VILL: variants seen among roughly 807,000 people sequenced by gnomAD.
The protein encoded by VILL is villin-like protein.
Under a neutral mutation model 106.3 loss-of-function variants are expected in VILL, and 102 were observed. The observed-to-expected ratio is 0.96, with a 90% CI of 0.82 to 1.13. The LOEUF (loss-of-function observed/expected upper bound fraction) is 1.13. Ranked by LOEUF, VILL falls within the 50% of genes most tolerant of loss-of-function variation. VILL has a pLI of 0.00. For missense variants in VILL, 1,076 were observed against 1,116.6 expected (o/e 0.96, Z 0.52); for synonymous variants, 431 against 440.3 (o/e 0.98, Z 0.27).
At chr3:38,006,758 C>G in intron 19 of VILL, 58 bp downstream of exon 19, 1 of 1,554,634 alleles carries the variant, frequency 6.4e-7, no homozygotes, top group Non-Finnish European at 8.7e-7. Context: ...TGGAGGAGCC[C>G]AAGGCAGGAT....
At chr3:37,991,878 A>C (rs898984417) in intron 1 of VILL, among the ~76,000 whole-genome samples, 12 of 152,052 alleles carry the variant, frequency 7.9e-5, no homozygotes, top group African/African-American at 2.7e-4. Flanking sequence ...GGAGGCCCCC[A>C]ATCTTTGAGC....
rs372812814 is a variant in VILL, at chr3:38,004,271, C to T, written c.1822C>T (p.Pro608Ser). The T allele has an allele frequency of 9.6e-5, 155 of 1,612,144 alleles. No individual in the cohort carries two copies. The highest frequency in any genetic ancestry group is 1.2e-4 in the Non-Finnish European group (144 of 1,178,452). The change falls in exon 16 of 20, where the codon CCC becomes TCC. Residue 608 changes from proline to serine, a missense_variant. By Grantham distance (74) the Pro-to-Ser change is moderately conservative. Transcript: ENST00000383759. ...PSNKRLPEEV[P>S]SFQPRLFECS... ...GCTGGCCAGGCTCCCTGAGGAGGTC[C>T]CCAGCTTCCAGCCACGACTGTTTGA...
Position 37,997,181 on chromosome 3 carries a change from G to A in VILL, c.555G>A (p.Lys185=). The change falls in exon 6 of 20, where the codon AAG becomes AAA. Residue 185 remains lysine, a synonymous_variant. Transcript: ENST00000383759. This position sits in a 1 kb window ranked among gnomAD's most constrained non-coding sequence, Gnocchi z 4.7. ...WNGPKTSISE[K]ARGLALTYSL... The stretch of plus-strand genomic sequence containing the variant: ...GGCCCAAGACCAGCATTTCTGAGAA[G>A]GCTCGGGTCAGTGTCTGCCCAAGGA... 1.9e-6 allele frequency: 3 copies of A among 1,614,146 alleles called. No homozygotes were observed. Among genetic ancestry groups the A allele is most frequent in the Non-Finnish European group, 1.7e-6 (2 of 1,180,016 alleles).
rs2125540708 is a variant in VILL at position 38,006,989 on chromosome 3, G to A, written c.2505G>A (p.Lys835=). The A allele has an allele frequency of 6.2e-7, 1 of 1,614,126 alleles. No individual in the cohort carries two copies. Among genetic ancestry groups the A allele is most frequent in the Non-Finnish European group, 8.5e-7 (1 of 1,180,014 alleles). The change falls in exon 20 of 20, where the codon AAG becomes AAA. Residue 835 remains lysine, a synonymous_variant. Transcript: ENST00000383759. ...SDFQDIFGKS[K]EEFYSMATWR... ...TCCAAGATATCTTTGGGAAATCCAA[G>A]GAGGAATTCTACAGCATGGCCACGT... is the stretch of plus-strand genomic sequence containing the variant.
Position 38,006,433 on chromosome 3 carries a change from G to A in VILL, c.2206-16G>A. Reference sequence around the variant, plus strand: ...GATTCCCCATCTTCCCCAGCCTGAGGCTCCTCTCTGGACAGGAAGTCAACA... The same window carrying A: ...GATTCCCCATCTTCCCCAGCCTGAGACTCCTCTCTGGACAGGAAGTCAACA... On this transcript the variant is annotated splice_polypyrimidine_tract_variant and intron_variant, in intron 18 of 19. Transcript: ENST00000383759. 1 of 1,586,010 alleles carries A rather than the reference G, an allele frequency of 6.3e-7. No individual in the cohort carries two copies. The highest frequency in any genetic ancestry group is 1.7e-5 in the Admixed American group (1 of 58,366).
chr3:37,990,169 G>T (rs1416562698), upstream of VILL, among the ~76,000 whole-genome samples: 1 of 152,250 alleles, frequency 6.6e-6, no homozygotes, highest in Non-Finnish European at 1.5e-5. This position sits in a 1 kb window ranked among gnomAD's most constrained non-coding sequence, Gnocchi z 5.1. Flanking sequence ...AGTGGCAGTG[G>T]AGTGGCAGCT....
At chr3:38,004,671 C>T (rs1404382715) in intron 16 of VILL, among the ~76,000 whole-genome samples, 1 of 152,186 alleles carries the variant, frequency 6.6e-6, no homozygotes, top group Non-Finnish European at 1.5e-5. Context: ...CCCTGTGTGC[C>T]TTATGATACT....
At chr3:37,996,350 C>A (rs968632394) in intron 5 of VILL, among the ~76,000 whole-genome samples, 2 of 152,186 alleles carry the variant, frequency 1.3e-5, no homozygotes, top group African/African-American at 4.8e-5. Flanking sequence ...CTGTTATCCC[C>A]GGGTGCTCCT....
Position 38,001,814 on chromosome 3 carries a change from C to A in VILL, c.1433C>A (p.Pro478His), listed in dbSNP as rs1699822725. The change falls in exon 13 of 20, where the codon CCC becomes CAC. Residue 478 changes from proline (P) to histidine (H), a missense_variant. Coordinates refer to ENST00000383759, the MANE Select transcript of VILL (RefSeq NM_015873.4). ...VQEHVTMGSE[P>H]PHFLAIFQGQ... ...GAGCATGTGACCATGGGCAGCGAGC[C>A]CCCCCACTTCCTCGCCATCTTCCAG... 1 of 1,614,112 alleles carries A rather than the reference C, an allele frequency of 6.2e-7. No individual in the cohort carries two copies. The highest frequency in any genetic ancestry group is 1.7e-5 in the Admixed American group (1 of 60,014).
intron 4 of VILL, among the ~76,000 whole-genome samples, 168 bp from the exon 5 acceptor site, chr3:37,995,569 CTA>C (rs1384439362): frequency 6.6e-6 from 1 of 152,266 alleles, no homozygotes; most frequent in African/African-American, 2.4e-5. Context: ...CACTCATGCC[CTA>C]TGTGTGCACC....
Position 38,006,853 on chromosome 3 carries a change from G to A in VILL, c.2458-89G>A, listed in dbSNP as rs1372579604. On this transcript the variant is annotated intron_variant, in intron 19 of 19. Transcript: ENST00000383759. ...GGGCAAACAGATGCGGGAGTCCCAA[G>A]CCCTGGATGACTGACACTACTGAGT... The A allele has an allele frequency of 3.7e-5, 56 of 1,514,610 alleles. No individual in the cohort carries two copies. In the East Asian group the frequency reaches 1.2e-3, roughly 34 times the overall value. The allele number at this position is 1,514,610 out of a possible 1,614,324, so 93.8% of individuals were successfully genotyped here. A position where few individuals can be genotyped will look rare whatever the true frequency, so the allele number is the denominator to read the frequency against.
At chr3:37,993,565 A>G in intron 1 of VILL, 22 bp from the exon 2 acceptor site, 1 of 1,000,438 alleles carries the variant, frequency 1.0e-6, no homozygotes, top group East Asian at 2.6e-5. Flanking sequence ...CCTCCTAATA[A>G]AAGTCATGTT....
chr3:38,004,319 CT>C lies in VILL; in HGVS notation c.1871del (p.Leu624ArgfsTer50). 1 of 1,613,984 alleles carries C rather than the reference CT, an allele frequency of 6.2e-7. No homozygotes were observed. Among genetic ancestry groups the C allele is most frequent in the Non-Finnish European group, 8.5e-7 (1 of 1,179,818 alleles). The part of the protein sequence containing the change: ...LFECSSHMGC[L>X]VLAEVGFFSQ... Reference sequence around the variant, plus strand: ...TGAGTGCTCCAGCCACATGGGCTGCCTGGTCCTCGCAGAAGTGGGGTTCTTC... The same window carrying C: ...TGAGTGCTCCAGCCACATGGGCTGCCGGTCCTCGCAGAAGTGGGGTTCTTC... On this transcript the variant is annotated frameshift_variant, in exon 16 of 20. Coordinates refer to ENST00000383759, the MANE Select transcript of VILL (RefSeq NM_015873.4). LOFTEE classifies it high-confidence loss of function.
rs79339000 is a variant in VILL at position 37,993,580 on chromosome 3, A to G, written c.-86-7A>G. The G allele has an allele frequency of 4.7e-3, 5,494 of 1,173,192 alleles. 204 individuals are homozygous for G. In the African/African-American group the frequency reaches 0.072, roughly 15 times the overall value. 72.7% of individuals were successfully genotyped at this position (1,173,192 alleles called of 1,614,324 possible). The stretch of plus-strand genomic sequence containing the variant: ...CCTCCTAATAAAAGTCATGTTCTAT[A>G]ATGAAGTTGTACAGGTAGCCAGGTG... On this transcript the variant is annotated splice_polypyrimidine_tract_variant and splice_region_variant and intron_variant, in intron 1 of 19. Transcript: ENST00000383759.
Position 37,997,374 on chromosome 3 carries a change from C to T in VILL, c.562-109C>T. The T allele has an allele frequency of 7.9e-7, 1 of 1,269,826 alleles. No homozygotes were observed. The highest frequency in any genetic ancestry group is 1.1e-6 in the Non-Finnish European group (1 of 900,814). 78.7% of individuals were successfully genotyped at this position (1,269,826 alleles called of 1,614,324 possible). A position where few individuals can be genotyped will look rare whatever the true frequency, so the allele number is the denominator to read the frequency against. On this transcript the variant is annotated intron_variant, in intron 6 of 19. Transcript: ENST00000383759. This position sits in a 1 kb window ranked among gnomAD's most constrained non-coding sequence, Gnocchi z 4.7. ...CCCCCTGGATGCCAGGATGAGGGGA[C>T]ATCAGCCCTTCTCCCCATCAGCCTC...
rs1699662050 is a variant in VILL at position 37,994,341 on chromosome 3, G to A, written c.216G>A (p.Ala72=). ...TCGGGAAGCAGGCGGGTGCGGAAGC[G>A]CAGGGCGCTGCGGAGGCCTTCCAGC... is the stretch of plus-strand genomic sequence containing the variant. ...YWVGKQAGAE[A]QGAAEAFQQR... The change falls in exon 4 of 20, where the codon GCG becomes GCA. Residue 72 remains alanine (A), a synonymous_variant. Transcript: ENST00000383759. 5.0e-6 allele frequency: 8 copies of A among 1,611,204 alleles called. No individual in the cohort carries two copies. Among genetic ancestry groups the A allele is most frequent in the Admixed American group, 1.7e-5 (1 of 59,936 alleles).
Position 37,994,376 on chromosome 3 carries a change from A to G in VILL, c.251A>G (p.Gln84Arg). 6.2e-7 allele frequency: 1 copy of G among 1,612,418 alleles called. No homozygotes were observed. Among genetic ancestry groups the G allele is most frequent in the East Asian group, 2.2e-5 (1 of 44,860 alleles). Residue 84 changes from glutamine to arginine, a missense_variant, in exon 4 of 20, where the codon CAG becomes CGG. By Grantham distance (43) the Gln-to-Arg change is conservative (BLOSUM62 1). Transcript: ENST00000383759. ...GCGGAGGCCTTCCAGCAGCGCCTAC[A>G]GGACGAGCTGGGGGGCCAGACCGTG... ...GAAEAFQQRL[Q>R]DELGGQTVLH...
chr3:38,006,913 C>T (rs777673814), intron 19 of VILL, 29 bp from the exon 20 acceptor site: 6 of 1,594,796 alleles, frequency 3.8e-6, no homozygotes, highest in Non-Finnish European at 5.2e-6. Context: ...ACACCCTACC[C>T]TGTACCTCCC....
intron 14 of VILL, 191 bp from the exon 15 acceptor site, chr3:38,002,977 G>A (rs1160105157): frequency 1.4e-6 from 1 of 727,828 alleles, no homozygotes; most frequent in Non-Finnish European, 2.2e-6. Context: ...CCCAGACCCT[G>A]CGATCCAGAT....
Sources: allele counts gnomAD v4.1 joint callset (sites outside exome capture counted in the v4.1 genomes callset), GRCh38; gene constraint gnomAD v4.1.1; non-coding constraint Gnocchi (gnomAD v3.1); transcripts MANE v1.5; gene names NCBI Gene and HGNC (gene_info 2026-07-23, HGNC 2026-07-21).